ALG9: variants seen among roughly 807,000 people sequenced by gnomAD.
ALG9 encodes ALG9 alpha-1,2-mannosyltransferase.
A neutral mutation model predicts 81.8 loss-of-function variants in ALG9; 55 were observed. The observed-to-expected ratio is 0.67, with a 90% CI of 0.54 to 0.84. The LOEUF (loss-of-function observed/expected upper bound fraction) is 0.84. ALG9 is among the 40% of genes least tolerant of loss of function. ALG9 has a pLI of 0.00. For missense variants in ALG9, 629 were observed against 745.0 expected, an observed-to-expected ratio of 0.84 and a Z score of 1.81; for synonymous variants, 278 against 274.3, an observed-to-expected ratio of 1.01 and a Z score of -0.13.
intron 14 of ALG9, among the ~76,000 whole-genome samples, chr11:111,789,500 A>G (rs955691550): frequency 1.2e-4 from 18 of 151,432 alleles, no homozygotes; most frequent in Non-Finnish European, 2.2e-4. Flanking sequence ...TCAGCCTCCC[A>G]AAGTGTCAGG....
intron 14 of ALG9, among the ~76,000 whole-genome samples, chr11:111,802,712 C>A (rs1555081537): frequency 6.6e-6 from 1 of 152,038 alleles, no homozygotes; most frequent in Non-Finnish European, 1.5e-5. Context: ...CTGTTTTGTG[C>A]CTCACAGTGA....
the ALG9 span, among the ~76,000 whole-genome samples, chr11:111,774,605 T>C: frequency 8.5e-5 from 13 of 152,362 alleles, no homozygotes; most frequent in African/African-American, 3.1e-4. Flanking sequence ...ATTTGTACTT[T>C]GTCTAAACTC....
chr11:111,787,740 G>A (rs1363801506), intron 14 of ALG9, among the ~76,000 whole-genome samples: 2 of 151,930 alleles, frequency 1.3e-5, no homozygotes, highest in African/African-American at 2.4e-5. Context: ...TTACAGGCGT[G>A]AGCCACCGCA....
chr11:111,855,393 A>G (rs1958500720), intron 6 of ALG9, among the ~76,000 whole-genome samples: 1 of 152,222 alleles, frequency 6.6e-6, no homozygotes, highest in Non-Finnish European at 1.5e-5. Flanking sequence ...ATATAACTCT[A>G]GTGGAGTTTG....
At chr11:111,777,183 T>G in the ALG9 span, among the ~76,000 whole-genome samples, 6 of 152,334 alleles carry the variant, frequency 3.9e-5, no homozygotes, top group East Asian at 1.2e-3. Flanking sequence ...AACACCATCA[T>G]AGTCATGCCA....
chr11:111,851,880 T>C (rs1156910208), intron 8 of ALG9, among the ~76,000 whole-genome samples: 2 of 152,226 alleles, frequency 1.3e-5, no homozygotes, highest in African/African-American at 4.8e-5. Context: ...CTGGGGATCT[T>C]AGAGCCATAA....
chr11:111,852,623 A>T (rs1342971945), intron 8 of ALG9, among the ~76,000 whole-genome samples: 2 of 152,216 alleles, frequency 1.3e-5, no homozygotes, highest in Non-Finnish European at 2.9e-5. Context: ...AAAAAGTAAC[A>T]TCAAATGTGT....
chr11:111,839,603 G>GC (rs1436741007), intron 10 of ALG9, among the ~76,000 whole-genome samples: 1 of 87,346 alleles, frequency 1.1e-5, no homozygotes, highest in African/African-American at 3.3e-5. Context: ...AAAAAAAAAG[G>GC]GGGGGGGGGA....
chr11:111,804,132 CAAA>C (rs140492079), intron 14 of ALG9, among the ~76,000 whole-genome samples: 5 of 85,364 alleles, frequency 5.9e-5, no homozygotes, highest in Admixed American at 1.3e-4. Context: ...GACTCCATCT[CAAA>C]AAAAAAAAAA....
chr11:111,860,782 G>T, intron 4 of ALG9, 147 bp from the exon 5 acceptor site: 2 of 633,756 alleles, frequency 3.2e-6, no homozygotes, highest in Non-Finnish European at 2.8e-6. Context: ...AATTCACTGT[G>T]CATAAGAAAC....
chr11:111,812,317 T>C (rs966046105), intron 13 of ALG9, among the ~76,000 whole-genome samples: 2 of 152,120 alleles, frequency 1.3e-5, no homozygotes, highest in African/African-American at 4.8e-5. Context: ...CCTGTAATCC[T>C]AGTACCTTGG....
chr11:111,805,203 T>G (rs1949735151), intron 14 of ALG9: 1 of 455,508 alleles, frequency 2.2e-6, no homozygotes, highest in East Asian at 7.0e-5. Context: ...AGAGCTAGCT[T>G]GTCTTCTTGC....
intron 6 of ALG9, among the ~76,000 whole-genome samples, chr11:111,854,684 A>G (rs1227110023): frequency 6.6e-6 from 1 of 152,200 alleles, no homozygotes; most frequent in Non-Finnish European, 1.5e-5. Context: ...TAAATTCCGT[A>G]TAACATTTTG....
the ALG9 span, among the ~76,000 whole-genome samples, chr11:111,773,358 C>T: frequency 6.6e-6 from 1 of 152,146 alleles, no homozygotes; most frequent in Non-Finnish European, 1.5e-5. Context: ...GATTCTTCTG[C>T]CTCAGCCTCC....
intron 13 of ALG9, among the ~76,000 whole-genome samples, chr11:111,820,422 A>G (rs1331651588): frequency 2.6e-5 from 4 of 152,240 alleles, no homozygotes; most frequent in African/African-American, 7.2e-5. Context: ...ACAGGGCAAG[A>G]GACAGCAAGA....
downstream of ALG9, among the ~76,000 whole-genome samples, chr11:111,779,714 C>T (rs1555056307): frequency 6.6e-6 from 1 of 151,562 alleles, no homozygotes; most frequent in African/African-American, 2.4e-5. Flanking sequence ...AGAGGCAAAA[C>T]CAAAAACAAA....
the ALG9 span, among the ~76,000 whole-genome samples, chr11:111,775,091 TATC>T: frequency 5.4e-3 from 816 of 152,274 alleles, 7 homozygotes; most frequent in Middle Eastern, 0.017. Flanking sequence ...CCCGGCCACT[TATC>T]ATCATGTCTT....
At chr11:111,867,037 G>A (rs1555153811) in intron 3 of ALG9, among the ~76,000 whole-genome samples, 1 of 152,248 alleles carries the variant, frequency 6.6e-6, no homozygotes, top group Non-Finnish European at 1.5e-5. Flanking sequence ...GGAGGTTGCT[G>A]TGAGCCGAGA....
At chr11:111,852,121 C>T (rs1448198600) in intron 8 of ALG9, among the ~76,000 whole-genome samples, 2 of 152,170 alleles carry the variant, frequency 1.3e-5, no homozygotes, top group Non-Finnish European at 2.9e-5. Flanking sequence ...AAATGATGGA[C>T]ATGGCTAGTG....
Sources: gnomAD v4.1 joint callset for allele counts (sites outside exome capture counted in the v4.1 genomes callset) on GRCh38, gnomAD v4.1.1 for gene constraint, MANE v1.5 for transcripts, NCBI Gene and HGNC (gene_info 2026-07-23, HGNC 2026-07-21) for gene names.